The following PTPDC1 variants were observed in gnomAD, a reference collection of about 807,000 sequenced individuals.
PTPDC1 encodes protein tyrosine phosphatase domain-containing protein 1.
Under a neutral mutation model 75.3 loss-of-function variants are expected in PTPDC1, and 53 were observed. That is an observed-to-expected ratio of 0.70 (90% CI 0.56 to 0.88). The LOEUF is 0.88. Ranked by LOEUF, PTPDC1 falls within the 40% of genes least tolerant of loss-of-function variation. PTPDC1 has a pLI of 0.00. For synonymous variants in PTPDC1, 349 were observed against 366.2 expected (o/e 0.95, Z 0.54); for missense variants, 925 against 998.6 (o/e 0.93, Z 0.99).
At chr9:94,070,403 T>G (rs1826473101) in intron 2 of PTPDC1, among the ~76,000 whole-genome samples, 1 of 152,250 alleles carries the variant, frequency 6.6e-6, no homozygotes, top group South Asian at 2.1e-4. Context: ...GACCCTTGCT[T>G]AGGCTTTATG....
intron 8 of PTPDC1, among the ~76,000 whole-genome samples, chr9:94,107,503 A>G (rs1226241358): frequency 6.6e-6 from 1 of 152,102 alleles, no homozygotes; most frequent in Non-Finnish European, 1.5e-5. Context: ...AATATGGGAA[A>G]CTTTTCTCTT....
intron 7 of PTPDC1, among the ~76,000 whole-genome samples, chr9:94,103,083 GATACA>G (rs1827902788): frequency 6.6e-6 from 1 of 151,410 alleles, no homozygotes; most frequent in Non-Finnish European, 1.5e-5. Context: ...CATGCACACA[GATACA>G]ATACACAATA....
At chr9:94,069,606 C>T (rs1173762430) in intron 2 of PTPDC1, among the ~76,000 whole-genome samples, 4 of 150,752 alleles carry the variant, frequency 2.7e-5, no homozygotes, top group Non-Finnish European at 4.4e-5. Context: ...CTGTAACCTC[C>T]GCCTCCTCTG....
chr9:94,038,420 A>G, intron 1 of PTPDC1: 1 of 349,410 alleles, frequency 2.9e-6, no homozygotes, highest in Non-Finnish European at 5.2e-6. Flanking sequence ...TAGATCTCAT[A>G]CACCAGAATT....
chr9:94,087,144 G>A (rs1234279077), intron 2 of PTPDC1, among the ~76,000 whole-genome samples: 1 of 152,120 alleles, frequency 6.6e-6, no homozygotes, highest in Non-Finnish European at 1.5e-5. Context: ...TTCACCACCA[G>A]CTGAGTTTTC....
intron 8 of PTPDC1, among the ~76,000 whole-genome samples, chr9:94,105,761 G>A (rs1004093836): frequency 6.6e-6 from 1 of 150,820 alleles, no homozygotes; most frequent in Admixed American, 6.6e-5. Flanking sequence ...GAGGTCAGGA[G>A]ATCAAGACCA....
upstream of PTPDC1, among the ~76,000 whole-genome samples, chr9:94,083,189 G>A (rs1188417575): frequency 6.6e-6 from 1 of 152,198 alleles, no homozygotes; most frequent in Non-Finnish European, 1.5e-5. Flanking sequence ...TTGTCATGCA[G>A]ACCTCTGTGC....
At chr9:94,065,595 T>TG (rs1180070438) in intron 2 of PTPDC1, among the ~76,000 whole-genome samples, 1 of 152,236 alleles carries the variant, frequency 6.6e-6, no homozygotes, top group Non-Finnish European at 1.5e-5. Flanking sequence ...AAGTCAGTTC[T>TG]GTTGTGTTCT....
intron 2 of PTPDC1, chr9:94,064,867 A>T (rs1826253262): frequency 7.0e-7 from 1 of 1,421,030 alleles, no homozygotes; most frequent in Non-Finnish European, 9.8e-7. Context: ...GCAAGCTGGC[A>T]TTTAATAAAA....
chr9:94,040,717 ACTTC>A (rs1332773849), intron 1 of PTPDC1, among the ~76,000 whole-genome samples: 2 of 152,106 alleles, frequency 1.3e-5, no homozygotes, highest in African/African-American at 4.8e-5. Context: ...TTTGTATTTT[ACTTC>A]CTTTATAGAA....
intron 7 of PTPDC1, among the ~76,000 whole-genome samples, chr9:94,102,670 C>T (rs1265249019): frequency 6.6e-6 from 1 of 152,072 alleles, no homozygotes; most frequent in Admixed American, 6.5e-5. Flanking sequence ...ACCTCTGCCC[C>T]CCGGGTTCAA....
chr9:94,083,484 A>G (rs1280771025), upstream of PTPDC1, among the ~76,000 whole-genome samples: 2 of 152,152 alleles, frequency 1.3e-5, no homozygotes, highest in Non-Finnish European at 2.9e-5. Flanking sequence ...AAATAGCCTT[A>G]TCTGTAGCAG....
At chr9:94,084,127 T>C (rs2117965833), upstream of PTPDC1, among the ~76,000 whole-genome samples, 1 of 152,314 alleles carries the variant, frequency 6.6e-6, no homozygotes, top group Admixed American at 6.5e-5. Flanking sequence ...GTGAACAGAA[T>C]AACAGAATTT....
chr9:94,053,149 C>T (rs1487130737), intron 1 of PTPDC1, among the ~76,000 whole-genome samples: 1 of 152,030 alleles, frequency 6.6e-6, no homozygotes, highest in African/African-American at 2.4e-5. Flanking sequence ...CTCCTGAGAG[C>T]CTTGGAGACT....
chr9:94,076,227 C>T (rs1324387669), intron 2 of PTPDC1, among the ~76,000 whole-genome samples: 2 of 152,118 alleles, frequency 1.3e-5, no homozygotes, highest in Admixed American at 1.3e-4. Context: ...TGGTCTCTAA[C>T]TCCCGGCCTC....
chr9:94,097,947 C>T lies in PTPDC1; in HGVS notation c.1381C>T (p.Gln461Ter). ...AAAGAGGGCCGAGAACCTCCTGGAG[C>T]AAGGGGAGACTCCACAGACAGTGCC... ...DLKRAENLLE[Q>*]GETPQTVPAQ... Residue 461 changes from glutamine (Q) to a stop codon, truncating the protein, a stop_gained, in exon 6 of 9, where the codon CAA becomes TAA. Coordinates refer to ENST00000620992, the MANE Select transcript of PTPDC1 (RefSeq NM_001253829.2). LOFTEE classifies it high-confidence loss of function. 1 of 1,614,156 alleles carries T rather than the reference C, an allele frequency of 6.2e-7. No individual in the cohort carries two copies. The highest frequency in any genetic ancestry group is 8.5e-7 in the Non-Finnish European group (1 of 1,180,038).
intron 2 of PTPDC1, among the ~76,000 whole-genome samples, chr9:94,067,437 A>G (rs555810875): frequency 2.6e-5 from 4 of 151,962 alleles, no homozygotes; most frequent in East Asian, 1.9e-4. Context: ...TATTACTACC[A>G]TACCTCAAAT....
At chr9:94,055,362 A>G (rs1430970699) in intron 1 of PTPDC1, among the ~76,000 whole-genome samples, 4 of 152,230 alleles carry the variant, frequency 2.6e-5, no homozygotes, top group African/African-American at 9.6e-5. Flanking sequence ...TCAGATGAGC[A>G]GAAAACTTAG....
intron 2 of PTPDC1, chr9:94,064,892 G>C: frequency 1.8e-6 from 2 of 1,093,564 alleles, no homozygotes; most frequent in Non-Finnish European, 2.7e-6. Context: ...CTATATGAAT[G>C]GACACAAAAG....
Sources: gnomAD v4.1 joint callset for allele counts (sites outside exome capture counted in the v4.1 genomes callset) on GRCh38, gnomAD v4.1.1 for gene constraint, MANE v1.5 for transcripts, NCBI Gene and HGNC (gene_info 2026-07-23, HGNC 2026-07-21) for gene names.